Variants in CUX1 observed in about 807,000 individuals in gnomAD.
CUX1 encodes the protein cut like homeobox 1.
Under a neutral mutation model 158.8 loss-of-function variants are expected in CUX1, and 31 were observed. That is an observed-to-expected ratio of 0.20 (90% CI 0.15 to 0.26). The LOEUF is 0.26. CUX1 is among the 10% of genes least tolerant of loss of function. The pLI is 1.00. For synonymous variants in CUX1, 879 were observed against 862.1 expected (o/e 1.02, Z -0.34); for missense variants, 1,589 against 2,014.6 (o/e 0.79, Z 4.04).
Position 102,056,047 on chromosome 7 carries a change from A to G in CUX1, c.190-14292A>G, listed in dbSNP as rs1354525265. Among the ~76,000 whole-genome samples the G allele has an allele frequency of 5.9e-5, 9 of 152,192 alleles. No homozygotes were observed. The East Asian group carries it at 1.2e-3, about 20-fold the overall frequency. On this transcript the variant is annotated intron_variant, in intron 3 of 23. Transcript: ENST00000292535. ...GCCAAAGCCCTGACTCTTCAATTCT[A>G]TGAAGGCTGACAGAGGTGGGGAAGC...
intron 2 of CUX1, among the ~76,000 whole-genome samples, chr7:102,012,281 G>A (rs897533953): frequency 2.6e-5 from 4 of 151,936 alleles, no homozygotes; most frequent in South Asian, 2.1e-4. Flanking sequence ...TCCGCCTCCC[G>A]GGTTGAAGCA....
chr7:102,101,533 C>T (rs1191613316), intron 5 of CUX1, among the ~76,000 whole-genome samples: 2 of 152,190 alleles, frequency 1.3e-5, no homozygotes, highest in African/African-American at 2.4e-5. Context: ...CGAGGTCACA[C>T]ACTGTGATGT....
rs552642743 is a variant in CUX1, at chr7:101,971,497, T to C, written c.141+55272T>C. On this transcript the variant is annotated intron_variant, in intron 2 of 23. Transcript: ENST00000292535. ...ACCCAATCTCTATTGTAAAAATAAA[T>C]TGTAAATAAAGTGAGAGGAAAAGGC... 2.6e-5 allele frequency among the ~76,000 whole-genome samples: 4 copies of C among 152,136 alleles called. 1 individual carries two copies. In the South Asian group the frequency reaches 8.3e-4, roughly 32 times the overall value.
chr7:102,197,446 C>A, intron 15 of CUX1, 141 bp downstream of exon 15: 2 of 1,037,628 alleles, frequency 1.9e-6, no homozygotes, highest in Non-Finnish European at 2.8e-6. Context: ...GCTTCTGCCA[C>A]GTCCAGAGCT....
At chr7:101,965,848 C>CAAAAAAAA in intron 2 of CUX1, among the ~76,000 whole-genome samples, 1 of 50,122 alleles carries the variant, frequency 2.0e-5, no homozygotes, top group Non-Finnish European at 3.1e-5. Flanking sequence ...GACTCCATCT[C>CAAAAAAAA]AAAAAAAAAA....
At chr7:102,125,399 C>T (rs1027937544) in intron 8 of CUX1, 7 of 152,344 alleles carry the variant, frequency 4.6e-5, no homozygotes, top group African/African-American at 1.4e-4. Flanking sequence ...ACATTCACGC[C>T]ACCTTCTGCC....
chr7:102,057,359 AT>A (rs1824286970), intron 3 of CUX1, among the ~76,000 whole-genome samples: 2 of 152,112 alleles, frequency 1.3e-5, no homozygotes, highest in Admixed American at 1.3e-4. Context: ...CTCAAGTCTT[AT>A]TTTTTAAGAA....
chr7:102,010,897 G>T (rs1408937234), intron 2 of CUX1, among the ~76,000 whole-genome samples: 1 of 152,126 alleles, frequency 6.6e-6, no homozygotes, highest in Non-Finnish European at 1.5e-5. Flanking sequence ...GATCACCTGA[G>T]GTCGAGAGTG....
rs373646055 is a variant in CUX1 at position 102,282,707 on chromosome 7, G to C, written c.1903-5G>C. 52 of 1,612,904 alleles carry C rather than the reference G, an allele frequency of 3.2e-5. No individual in the cohort carries two copies. In the African/African-American group the frequency reaches 6.4e-4, roughly 20 times the overall value. On this transcript the variant is annotated splice_region_variant and splice_polypyrimidine_tract_variant and intron_variant, in intron 21 of 22. Transcript: ENST00000292538. ...GGGCAGCTCACCGTGTCTCCACCTG[G>C]CCAGGTGCTCTACAAGCTGGCATGG...
chr7:101,968,517 G>A (rs953181566), intron 2 of CUX1, among the ~76,000 whole-genome samples: 1 of 152,140 alleles, frequency 6.6e-6, no homozygotes, highest in African/African-American at 2.4e-5. Flanking sequence ...CCGTCTCCCA[G>A]GTTCAAGTGA....
chr7:102,065,907 C>T (rs1195474766), intron 3 of CUX1, among the ~76,000 whole-genome samples: 1 of 152,066 alleles, frequency 6.6e-6, no homozygotes, highest in Admixed American at 6.5e-5. Context: ...TCTCCTGTCT[C>T]AGCCTCCTGA....
rs1193984210 is a variant in CUX1, at chr7:102,255,468, C to T, written c.*6426C>T. The T allele has an allele frequency of 1.8e-5, 18 of 985,098 alleles. No homozygotes were observed. Among genetic ancestry groups the T allele is most frequent in the South Asian group, 4.7e-5 (1 of 21,268 alleles). 61.0% of individuals were successfully genotyped at this position (985,098 alleles called of 1,614,324 possible). A position where few individuals can be genotyped will look rare whatever the true frequency, so the allele number is the denominator to read the frequency against. ...TAAATGTGCACTTCCCCCATGCCCC[C>T]GTTCTTAAACTCTTAAGATGCCTTT... On this transcript the variant is annotated 3_prime_UTR_variant, in exon 24 of 24. Transcript: ENST00000292535.
intron 8 of CUX1, among the ~76,000 whole-genome samples, chr7:102,131,988 T>G (rs1276235116): frequency 6.6e-6 from 1 of 152,110 alleles, no homozygotes; most frequent in Non-Finnish European, 1.5e-5. Flanking sequence ...TTTAAAACAT[T>G]TAAATGTGAC....
At chr7:102,173,314 G>C (rs1586040204) in intron 10 of CUX1, among the ~76,000 whole-genome samples, 1 of 152,136 alleles carries the variant, frequency 6.6e-6, no homozygotes, top group African/African-American at 2.4e-5. Context: ...GTGAGATCGT[G>C]CCATTGCATT....
At chr7:102,212,254 G>C (rs1446827665) in intron 20 of CUX1, among the ~76,000 whole-genome samples, 1 of 152,194 alleles carries the variant, frequency 6.6e-6, no homozygotes, top group Non-Finnish European at 1.5e-5. Context: ...AGCCAGTGCT[G>C]AGTACCACAG....
intron 2 of CUX1, among the ~76,000 whole-genome samples, chr7:101,945,810 G>A (rs926265077): frequency 1.3e-5 from 2 of 152,204 alleles, no homozygotes; most frequent in Non-Finnish European, 2.9e-5. Context: ...CAGGAACGTG[G>A]TTCTGATGAG....
chr7:101,952,630 C>A (rs1450974269), intron 2 of CUX1, among the ~76,000 whole-genome samples: 1 of 152,206 alleles, frequency 6.6e-6, no homozygotes, highest in Non-Finnish European at 1.5e-5. Context: ...TGATGCCGAA[C>A]CACCTGTGGG....
At chr7:101,839,818 A>G (rs1795025997) in intron 1 of CUX1, among the ~76,000 whole-genome samples, 2 of 152,082 alleles carry the variant, frequency 1.3e-5, no homozygotes, top group East Asian at 1.9e-4. Flanking sequence ...CTGGAGTACA[A>G]TGGCGCGGTC....
chr7:101,969,970 C>T lies in CUX1; in HGVS notation c.141+53745C>T, dbSNP rs746171024. ...TCTGAAACCATCCTTGTCTTCTTGC[C>T]GGAGTTAGCACCAAAAAAAAAAAAA... On this transcript the variant is annotated intron_variant, in intron 2 of 23. Coordinates refer to ENST00000292535, the MANE Select transcript of CUX1 (RefSeq NM_181552.4). Among the ~76,000 whole-genome samples the T allele has an allele frequency of 6.9e-4, 80 of 115,256 alleles. 1 individual carries two copies. The highest frequency in any genetic ancestry group is 0.014 in the Middle Eastern group (2 of 142). 75.6% of individuals were successfully genotyped at this position (115,256 alleles called of 152,430 possible). A position where few individuals can be genotyped will look rare whatever the true frequency, so the allele number is the denominator to read the frequency against.
Sources: gnomAD v4.1 joint callset for allele counts (sites outside exome capture counted in the v4.1 genomes callset) on GRCh38, gnomAD v4.1.1 for gene constraint, MANE v1.5 for transcripts, NCBI Gene and HGNC (gene_info 2026-07-23, HGNC 2026-07-21) for gene names.